The following CTBP1 variants were observed in gnomAD, a reference collection of about 807,000 sequenced individuals.
The protein encoded by CTBP1 is C-terminal binding protein 1, also known as C-terminal-binding protein 1.
CTBP1 carries 11 observed loss-of-function variants against 42.1 expected under a neutral mutation model. That is an observed-to-expected ratio of 0.26 (90% CI 0.16 to 0.43). The LOEUF is 0.43. Ranked by LOEUF, CTBP1 falls within the 20% of genes least tolerant of loss-of-function variation. CTBP1 has a pLI of 1.00. For missense variants in CTBP1, 399 were observed against 624.3 expected (o/e 0.64, Z 3.85); for synonymous variants, 324 against 277.1 (o/e 1.17, Z -1.68).
At chr4:1,249,583 TCCGAGGCTGGCCAGGGGCA>T (rs2108818822), upstream of CTBP1, 1 of 333,142 alleles carries the variant, frequency 3.0e-6, no homozygotes. Flanking sequence ...CCCGTGCGCC[TCCGAGGCTGGCCAGGGGCA>T]CCGAGGCCGC....
intron 3 of CTBP1, among the ~76,000 whole-genome samples, chr4:1,232,457 G>A (rs1200075170): frequency 6.6e-6 from 1 of 151,934 alleles, no homozygotes; most frequent in African/African-American, 2.4e-5. Flanking sequence ...GACTACAGGC[G>A]CGCACCACCA....
chr4:1,248,524 A>C (rs1732999229), intron 1 of CTBP1: 9 of 247,668 alleles, frequency 3.6e-5, no homozygotes, highest in Admixed American at 6.6e-5. Flanking sequence ...AGGCCCAGCC[A>C]CGGGGTCATG....
intron 5 of CTBP1, among the ~76,000 whole-genome samples, chr4:1,220,169 T>C (rs1160787790): frequency 7.3e-6 from 1 of 136,600 alleles, no homozygotes; most frequent in African/African-American, 2.8e-5. Flanking sequence ...GCCACTGTAC[T>C]CCAGCCTGGC....
At chr4:1,221,904 A>G (rs1386549530) in intron 5 of CTBP1, 1 of 389,926 alleles carries the variant, frequency 2.6e-6, no homozygotes, top group Non-Finnish European at 5.2e-6. Context: ...AAGAAACAAG[A>G]AGGAGATGTA....
Position 1,233,608 on chromosome 4 carries a change from C to T in CTBP1, c.162+4575G>A, listed in dbSNP as rs1360012406. 6.6e-6 allele frequency among the ~76,000 whole-genome samples: 1 copy of T among 152,154 alleles called. No individual in the cohort carries two copies. Among genetic ancestry groups the T allele is most frequent in the Non-Finnish European group, 1.5e-5 (1 of 68,030 alleles). ...CCCTTCTCCTGTGGAAATTCCAAAGCAGGCGAGTGGGGCTGGGCTGAGTCT... is the reference window on the plus strand; with the variant it reads ...CCCTTCTCCTGTGGAAATTCCAAAGTAGGCGAGTGGGGCTGGGCTGAGTCT... On this transcript the variant is annotated intron_variant, in intron 3 of 9. Transcript: ENST00000382952. This position sits in a 1 kb window ranked among gnomAD's most constrained non-coding sequence, Gnocchi z 4.6.
intron 4 of CTBP1, among the ~76,000 whole-genome samples, chr4:1,226,975 G>A (rs1181504666): frequency 1.3e-5 from 2 of 152,044 alleles, no homozygotes; most frequent in East Asian, 1.9e-4. Flanking sequence ...ACCGTGAGGC[G>A]CTGGCCAACT....
chr4:1,225,612 C>A, intron 4 of CTBP1, 46 bp from the exon 5 acceptor site: 1 of 1,509,960 alleles, frequency 6.6e-7, no homozygotes, highest in Admixed American at 2.0e-5. Context: ...CGGGCCCAGC[C>A]TCCGGGAGGA....
Position 1,249,036 on chromosome 4 carries a change from C to G in CTBP1, c.-309G>C. On this transcript the variant is annotated 5_prime_UTR_variant, in exon 1 of 10. Coordinates refer to ENST00000382952, the MANE Select transcript of CTBP1 (RefSeq NM_001012614.2). ...AGCCCGGCGCGTGGGGCGGCCTCGGCGCCGTCCGCTGCTCCGCCCGCCCGC... is the reference window on the plus strand; with the variant it reads ...AGCCCGGCGCGTGGGGCGGCCTCGGGGCCGTCCGCTGCTCCGCCCGCCCGC... 1.5e-6 allele frequency: 1 copy of G among 647,532 alleles called. No individual in the cohort carries two copies. Among genetic ancestry groups the G allele is most frequent in the Non-Finnish European group, 1.9e-6 (1 of 524,604 alleles). The allele number at this position is 647,532 out of a possible 1,614,324, so 40.1% of individuals were successfully genotyped here. A position where few individuals can be genotyped will look rare whatever the true frequency, so the allele number is the denominator to read the frequency against.
At chr4:1,213,350 C>T in intron 8 of CTBP1, 128 bp downstream of exon 8, 3 of 1,433,806 alleles carry the variant, frequency 2.1e-6, no homozygotes, top group South Asian at 1.2e-5. Context: ...GCTGGGGGTG[C>T]AGTGAGAGCA....
Position 1,238,440 on chromosome 4 carries a change from C to A in CTBP1, c.8-103G>T. 7.3e-7 allele frequency: 1 copy of A among 1,364,960 alleles called. No homozygotes were observed. Among genetic ancestry groups the A allele is most frequent in the South Asian group, 1.5e-5 (1 of 66,438 alleles). 84.6% of individuals were successfully genotyped at this position (1,364,960 alleles called of 1,614,324 possible). ...GCACGGGCCAACGAGGGCCGACCGCCGGGGGTTTTCTGGTCTATATGTTGT... is the reference window on the plus strand; with the variant it reads ...GCACGGGCCAACGAGGGCCGACCGCAGGGGGTTTTCTGGTCTATATGTTGT... On this transcript the variant is annotated intron_variant, in intron 2 of 9. Transcript: ENST00000382952. This position sits in a 1 kb window ranked among gnomAD's most constrained non-coding sequence, Gnocchi z 5.9.
intron 1 of CTBP1, chr4:1,243,991 C>T: frequency 1.0e-6 from 1 of 985,446 alleles, no homozygotes; most frequent in Non-Finnish European, 1.2e-6. Context: ...TTCCTATTTT[C>T]CTGTAAATCT....
chr4:1,214,841 G>A lies in CTBP1; in HGVS notation c.730-368C>T, dbSNP rs533367027. Among the ~76,000 whole-genome samples the A allele has an allele frequency of 2.7e-3, 414 of 152,330 alleles. 4 individuals are homozygous for A. The highest frequency in any genetic ancestry group is 9.6e-3 in the African/African-American group (398 of 41,588). ...CCCACGCAGGGCCTCAGCCCACGAGGTGGGACTCCCTGGGACGGCAAAGCC... is the reference window on the plus strand; with the variant it reads ...CCCACGCAGGGCCTCAGCCCACGAGATGGGACTCCCTGGGACGGCAAAGCC... On this transcript the variant is annotated intron_variant, in intron 6 of 9. Coordinates refer to ENST00000382952, the MANE Select transcript of CTBP1 (RefSeq NM_001012614.2).
At chr4:1,230,530 C>T (rs1389602318) in intron 3 of CTBP1, among the ~76,000 whole-genome samples, 2 of 152,116 alleles carry the variant, frequency 1.3e-5, no homozygotes, top group East Asian at 1.9e-4. Flanking sequence ...GACGTGAGCC[C>T]GGGGGGCTGG....
chr4:1,247,876 AC>A (rs1732901635), intron 1 of CTBP1, among the ~76,000 whole-genome samples: 1 of 152,050 alleles, frequency 6.6e-6, no homozygotes, highest in Non-Finnish European at 1.5e-5. Context: ...CACTCAGGGC[AC>A]CGGGAAGGGC....
Position 1,228,287 on chromosome 4 carries a change from C to G in CTBP1, c.219G>C (p.Glu73Asp). ...GGAGGGCTTTGAACTTCTCCAGGTC[C>G]TCCCTGGTGAGAGTGATGGTGTGGT... is the stretch of plus-strand genomic sequence containing the variant. ...LMYHTITLTREDLEKFKALRI... is the reference protein window; with the variant it reads ...LMYHTITLTRDDLEKFKALRI... Residue 73 changes from glutamate to aspartate, a missense_variant, in exon 4 of 10, where the codon GAG becomes GAC. Transcript: ENST00000382952. 1 of 1,614,186 alleles carries G rather than the reference C, an allele frequency of 6.2e-7. No homozygotes were observed. The highest frequency in any genetic ancestry group is 8.5e-7 in the Non-Finnish European group (1 of 1,180,008).
intron 3 of CTBP1, among the ~76,000 whole-genome samples, chr4:1,231,500 C>T (rs552023562): frequency 7.2e-5 from 11 of 152,344 alleles, no homozygotes; most frequent in South Asian, 6.2e-4. Flanking sequence ...CGGCTGCCAC[C>T]GGGCTGGAAA....
rs1206194926 is a variant in CTBP1 at position 1,244,087 on chromosome 4, A to G, written c.-188-2568T>C. ...GCCCCCAGGTTCTCTGGAGGCATCAAGTCCCGGGGGGCTGCACGGTGGCGG... is the reference window on the plus strand; with the variant it reads ...GCCCCCAGGTTCTCTGGAGGCATCAGGTCCCGGGGGGCTGCACGGTGGCGG... On this transcript the variant is annotated intron_variant, in intron 1 of 9. Coordinates refer to ENST00000382952, the MANE Select transcript of CTBP1 (RefSeq NM_001012614.2). 3 of 985,310 alleles carry G rather than the reference A, an allele frequency of 3.0e-6. No homozygotes were observed. In the African/African-American group the frequency reaches 5.2e-5, roughly 17 times the overall value. 61.0% of individuals were successfully genotyped at this position (985,310 alleles called of 1,614,324 possible).
At chr4:1,213,125 C>G in intron 8 of CTBP1, 95 bp from the exon 9 acceptor site, 1 of 1,076,170 alleles carries the variant, frequency 9.3e-7, no homozygotes, top group African/African-American at 1.6e-5. Context: ...GGATTCTTGG[C>G]AGTGTGCTCC....
chr4:1,223,534 G>T (rs1339951920), intron 5 of CTBP1: 2 of 455,596 alleles, frequency 4.4e-6, no homozygotes, highest in South Asian at 3.1e-5. Context: ...GGAAGCGGGG[G>T]GCCGGCCGGT....
Sources: allele counts gnomAD v4.1 joint callset (sites outside exome capture counted in the v4.1 genomes callset), GRCh38; gene constraint gnomAD v4.1.1; non-coding constraint Gnocchi (gnomAD v3.1); transcripts MANE v1.5; gene names NCBI Gene and HGNC (gene_info 2026-07-23, HGNC 2026-07-21).